Variants in PLCL1 observed in about 807,000 individuals in gnomAD.
PLCL1 encodes phospholipase C like 1 (inactive).
A neutral mutation model predicts 84.4 loss-of-function variants in PLCL1; 41 were observed. The ratio of observed to expected loss-of-function variants is 0.49; its 90% CI spans 0.38 to 0.63. The LOEUF is 0.63. Ranked by LOEUF, PLCL1 falls within the 30% of genes least tolerant of loss-of-function variation. The probability of loss-of-function intolerance (pLI) is 0.00; values close to 1 mark genes in which losing one functional copy is unlikely to be tolerated. For missense variants in PLCL1, 1,206 were observed against 1,367.8 expected (o/e 0.88, Z 1.87); for synonymous variants, 490 against 488.3 (o/e 1.00, Z -0.05).
chr2:197,865,940 G>A (rs1260066575), intron 1 of PLCL1, among the ~76,000 whole-genome samples: 13 of 140,606 alleles, frequency 9.2e-5, no homozygotes, highest in African/African-American at 3.2e-4. Context: ...TTGAGAGAAG[G>A]TTAAAGGCTG....
intron 1 of PLCL1, among the ~76,000 whole-genome samples, chr2:198,017,230 C>T (rs958053452): frequency 6.6e-6 from 1 of 152,216 alleles, no homozygotes; most frequent in African/African-American, 2.4e-5. Context: ...GAACAATAGA[C>T]ATGGGGCCAA....
At chr2:197,843,837 A>G (rs1687066014) in intron 1 of PLCL1, among the ~76,000 whole-genome samples, 2 of 152,186 alleles carry the variant, frequency 1.3e-5, no homozygotes, top group African/African-American at 2.4e-5. Context: ...ACCAAGGAAC[A>G]TTTTTGACTT....
intron 1 of PLCL1, among the ~76,000 whole-genome samples, chr2:198,041,396 G>GT: frequency 1.5e-5 from 1 of 68,228 alleles, no homozygotes; most frequent in Non-Finnish European, 2.9e-5. Flanking sequence ...TCCAACCACA[G>GT]TGTTTTTTTT....
intron 1 of PLCL1, among the ~76,000 whole-genome samples, chr2:197,983,936 T>G (rs1425282598): frequency 6.6e-6 from 1 of 152,198 alleles, no homozygotes; most frequent in Non-Finnish European, 1.5e-5. Context: ...GTTAAAAAGT[T>G]TTACTGTGCT....
At chr2:198,082,891 A>T (rs538340333) in intron 1 of PLCL1, among the ~76,000 whole-genome samples, 1 of 152,168 alleles carries the variant, frequency 6.6e-6, no homozygotes, top group Non-Finnish European at 1.5e-5. Context: ...GAGTTTGATG[A>T]TCTGTTGGCC....
intron 1 of PLCL1, among the ~76,000 whole-genome samples, chr2:198,075,396 C>T (rs1459249977): frequency 6.6e-6 from 1 of 152,150 alleles, no homozygotes; most frequent in Non-Finnish European, 1.5e-5. Context: ...TTGTTGTCAC[C>T]CTCATTTTGT....
rs138625989 is a variant in PLCL1 at position 198,089,023 on chromosome 2, C to A, written c.2881C>A (p.Pro961Thr). The A allele has an allele frequency of 1.5e-5, 25 of 1,613,802 alleles. No homozygotes were observed. The African/African-American group carries it at 2.7e-4, about 17-fold the overall frequency. Residue 961 changes from proline to threonine, a missense_variant, in exon 3 of 6, where the codon CCA (proline) becomes ACA (threonine). By Grantham distance (38) the Pro-to-Thr change is conservative. Transcript: ENST00000428675. ...TTACCTGGAGCCTCTGGGTGCAATT[C>A]CAGATGTGCAGAAAAAGATGCTGAC... Reference protein sequence around the residue: ...FPYLEPLGAIPDVQKKMLTAY... With the variant: ...FPYLEPLGAITDVQKKMLTAY...
chr2:198,141,810 C>T (rs1694394207), intron 5 of PLCL1, among the ~76,000 whole-genome samples: 1 of 152,174 alleles, frequency 6.6e-6, no homozygotes. Flanking sequence ...AAAACCCAGT[C>T]TGCTGATGAG....
chr2:198,040,728 A>G (rs550651464), intron 1 of PLCL1, among the ~76,000 whole-genome samples: 3 of 152,174 alleles, frequency 2.0e-5, no homozygotes, highest in Non-Finnish European at 4.4e-5. Context: ...CACATTTTCT[A>G]ATTGGAGAAA....
At chr2:198,035,906 T>A (rs1350064118) in intron 1 of PLCL1, among the ~76,000 whole-genome samples, 1 of 152,092 alleles carries the variant, frequency 6.6e-6, no homozygotes, top group African/African-American at 2.4e-5. Flanking sequence ...GCATGGGGTG[T>A]GCACCTGTAG....
intron 1 of PLCL1, among the ~76,000 whole-genome samples, chr2:198,054,251 A>C (rs1211769733): frequency 6.6e-6 from 1 of 152,238 alleles, no homozygotes; most frequent in African/African-American, 2.4e-5. Context: ...TCCAATATTT[A>C]TTGATTTTTT....
chr2:197,806,267 T>C (rs1046268308), intron 1 of PLCL1, among the ~76,000 whole-genome samples: 14 of 152,224 alleles, frequency 9.2e-5, no homozygotes, highest in African/African-American at 1.2e-4. Flanking sequence ...TGTATGTATG[T>C]ATATATGTAA....
At chr2:197,918,683 A>T (rs765210837) in intron 1 of PLCL1, among the ~76,000 whole-genome samples, 3 of 152,194 alleles carry the variant, frequency 2.0e-5, no homozygotes, top group Non-Finnish European at 2.9e-5. Flanking sequence ...GCACTTTGGG[A>T]GGTTGAGGCA....
At chr2:198,067,409 T>C (rs529495172) in intron 1 of PLCL1, among the ~76,000 whole-genome samples, 2 of 152,358 alleles carry the variant, frequency 1.3e-5, no homozygotes, top group African/African-American at 4.8e-5. Flanking sequence ...ATTACAGGCA[T>C]GAGCCACCGC....
intron 1 of PLCL1, among the ~76,000 whole-genome samples, chr2:197,904,129 A>G (rs1688328975): frequency 6.6e-6 from 1 of 152,204 alleles, no homozygotes; most frequent in African/African-American, 2.4e-5. Flanking sequence ...ACATTGTTTT[A>G]GGTATTAATT....
chr2:198,052,058 C>T (rs1266433602), intron 1 of PLCL1, among the ~76,000 whole-genome samples: 2 of 152,264 alleles, frequency 1.3e-5, no homozygotes, highest in African/African-American at 4.8e-5. Flanking sequence ...TACAGGCATG[C>T]GCCACCATGC....
At chr2:198,133,922 A>T (rs1694189694) in intron 5 of PLCL1, among the ~76,000 whole-genome samples, 1 of 152,164 alleles carries the variant, frequency 6.6e-6, no homozygotes, top group Non-Finnish European at 1.5e-5. Context: ...TCCTGAGTGA[A>T]TGTTAATTTC....
chr2:197,992,879 T>C (rs1306770574), intron 1 of PLCL1, among the ~76,000 whole-genome samples: 1 of 152,226 alleles, frequency 6.6e-6, no homozygotes, highest in Non-Finnish European at 1.5e-5. Flanking sequence ...GGAGGCTGGA[T>C]AATATCCGCA....
intron 1 of PLCL1, among the ~76,000 whole-genome samples, chr2:198,029,495 T>A (rs79490184): frequency 0.2 from 30,152 of 151,926 alleles, 3,049 homozygotes; most frequent in East Asian, 0.26. Flanking sequence ...TATTGTTATC[T>A]CTATACCCCG....
Sources: allele counts gnomAD v4.1 joint callset (sites outside exome capture counted in the v4.1 genomes callset), GRCh38; gene constraint gnomAD v4.1.1; transcripts MANE v1.5; gene names NCBI Gene and HGNC (gene_info 2026-07-23, HGNC 2026-07-21).